Variants in SLC7A5 observed in about 807,000 individuals in gnomAD.
SLC7A5 encodes the protein large neutral amino acids transporter small subunit 1.
A neutral mutation model predicts 50.2 loss-of-function variants in SLC7A5; 23 were observed. The observed-to-expected ratio is 0.46, with a 90% CI of 0.33 to 0.65. The LOEUF (loss-of-function observed/expected upper bound fraction) is 0.65. Ranked by LOEUF, SLC7A5 falls within the 30% of genes least tolerant of loss-of-function variation. The probability of loss-of-function intolerance (pLI) is 0.02; values close to 1 mark genes in which losing one functional copy is unlikely to be tolerated. For synonymous variants in SLC7A5, 393 were observed against 330.6 expected, an observed-to-expected ratio of 1.19 and a Z score of -2.05; for missense variants, 578 against 684.4, an observed-to-expected ratio of 0.84 and a Z score of 1.73.
chr16:87,863,375 C>T (rs1397353120), intron 1 of SLC7A5, among the ~76,000 whole-genome samples: 1 of 152,138 alleles, frequency 6.6e-6, no homozygotes, highest in Non-Finnish European at 1.5e-5. Context: ...CCAGCTGGGG[C>T]CCAGGGAGGT....
At chr16:87,836,734 T>A in intron 7 of SLC7A5, 87 bp from the exon 8 acceptor site, 1 of 1,439,110 alleles carries the variant, frequency 6.9e-7, no homozygotes, top group Non-Finnish European at 9.7e-7. Flanking sequence ...CTGTCCAGCC[T>A]GGCTGGGCCC....
Position 87,833,015 on chromosome 16 carries a change from G to A in SLC7A5, c.1479C>T (p.Thr493=), listed in dbSNP as rs761719928. 5.6e-6 allele frequency: 9 copies of A among 1,613,760 alleles called. No individual in the cohort carries two copies. Among genetic ancestry groups the A allele is most frequent in the South Asian group, 4.4e-5 (4 of 91,072 alleles). ...CCTGCATGAGCTTCTGACACAGGAC[G>A]GTCGTGGAGACTGTCAGGAGAGAAG... ...KWLLQGIFST[T]VLCQKLMQVV... Residue 493 remains threonine, a synonymous_variant, in exon 10 of 10, where the codon ACC becomes ACT. Coordinates refer to ENST00000261622, the MANE Select transcript of SLC7A5 (RefSeq NM_003486.7). This position sits in a 1 kb window ranked among gnomAD's most constrained non-coding sequence, Gnocchi z 6.0.
At chr16:87,868,130 A>T (rs369279771) in intron 1 of SLC7A5, among the ~76,000 whole-genome samples, 1 of 148,998 alleles carries the variant, frequency 6.7e-6, no homozygotes, top group African/African-American at 2.5e-5. Flanking sequence ...AAAAAAAAAA[A>T]AAAGAAAGAA....
chr16:87,843,674 C>T (rs866492597), intron 2 of SLC7A5, among the ~76,000 whole-genome samples: 3 of 152,272 alleles, frequency 2.0e-5, no homozygotes, highest in Middle Eastern at 6.8e-3. Context: ...ATTCTGCACA[C>T]CGGGAGACCT....
rs150853801 is a variant in SLC7A5 at position 87,853,385 on chromosome 16, T to C, written c.539-1536A>G. 6.6e-6 allele frequency among the ~76,000 whole-genome samples: 1 copy of C among 152,304 alleles called. No individual in the cohort carries two copies. Among genetic ancestry groups the C allele is most frequent in the African/African-American group, 2.4e-5 (1 of 41,568 alleles). On this transcript the variant is annotated intron_variant, in intron 1 of 9. Transcript: ENST00000261622. The surrounding 1 kb of genome is among the most constrained non-coding windows in gnomAD (Gnocchi z 4.4). ...GCTACTACACACCAGGAAAGTCTGG[T>C]TGAAAAATGTCTGAAAGTCAGTGTT... is the stretch of plus-strand genomic sequence containing the variant.
intron 1 of SLC7A5, among the ~76,000 whole-genome samples, chr16:87,863,986 A>AAAAAAAATATATATATATATAT (rs376938738): frequency 1.2e-5 from 1 of 83,280 alleles, no homozygotes; most frequent in African/African-American, 3.9e-5. Flanking sequence ...ATCATTTAAA[A>AAAAAAAATATATATATATATAT]ATATATATAT....
chr16:87,840,408 T>TC, intron 4 of SLC7A5, 21 bp downstream of exon 4: 1 of 1,598,158 alleles, frequency 6.3e-7, no homozygotes, highest in South Asian at 1.1e-5. Flanking sequence ...AAAAGACGGC[T>TC]CCATCCATTC....
Position 87,837,854 on chromosome 16 carries a change from G to T in SLC7A5, c.1131C>A (p.Leu377=). The change falls in exon 7 of 10, where the codon CTC becomes CTA. Residue 377 remains leucine, a synonymous_variant. Transcript: ENST00000261622. ...CGTGCAGCAGGCTTACCGTGAACAC[G>T]AGGGACGGCACGGGGGTGAGGAGCT... ...HPQLLTPVPS[L]VFTCVMTLLY... The T allele has an allele frequency of 6.2e-7, 1 of 1,604,864 alleles. No individual in the cohort carries two copies.
rs1287859591 is a variant in SLC7A5 at position 87,869,479 on chromosome 16, T to C, written c.-57A>G. On this transcript the variant is annotated 5_prime_UTR_variant, in exon 1 of 10. Coordinates refer to ENST00000261622, the MANE Select transcript of SLC7A5 (RefSeq NM_003486.7). ...GGGAGCCGCGGCCCAGCGAGCAGTG[T>C]GCGCGCCGCCCGCCGCCCGCAGCTG... The C allele has an allele frequency of 6.8e-6, 8 of 1,172,372 alleles. No homozygotes were observed. In the Admixed American group the frequency reaches 1.8e-4, roughly 27 times the overall value. The allele number at this position is 1,172,372 out of a possible 1,614,324, so 72.6% of individuals were successfully genotyped here.
intron 1 of SLC7A5, among the ~76,000 whole-genome samples, chr16:87,866,928 C>T (rs917996930): frequency 2.6e-5 from 4 of 152,120 alleles, no homozygotes; most frequent in Admixed American, 6.5e-5. Context: ...AGACTCAGCA[C>T]CCAGGGGCTG....
chr16:87,847,251 C>T (rs540982891), intron 2 of SLC7A5, among the ~76,000 whole-genome samples: 6 of 152,346 alleles, frequency 3.9e-5, no homozygotes, highest in African/African-American at 1.4e-4. Flanking sequence ...GTGGGTGAAA[C>T]GTTTTTCTCA....
rs149839858 is a variant in SLC7A5 at position 87,847,157 on chromosome 16, G to A, written c.664+4567C>T. ...CAGGTGAAGCCAGGCCCAGAAGAAG[G>A]AACAGCTCTAAGCCACAGCCCAGGG... On this transcript the variant is annotated intron_variant, in intron 2 of 9. Transcript: ENST00000261622. 2.2e-3 allele frequency among the ~76,000 whole-genome samples: 342 copies of A among 152,330 alleles called. 1 individual carries two copies. The highest frequency in any genetic ancestry group is 3.6e-3 in the Non-Finnish European group (248 of 68,030).
intron 1 of SLC7A5, among the ~76,000 whole-genome samples, chr16:87,858,717 C>G (rs185445665): frequency 8.7e-4 from 133 of 152,268 alleles, no homozygotes; most frequent in Middle Eastern, 3.4e-3. Flanking sequence ...AGAGAAGCAC[C>G]AAGTCCACTT....
At chr16:87,856,883 A>G (rs1181866065) in intron 1 of SLC7A5, among the ~76,000 whole-genome samples, 1 of 152,222 alleles carries the variant, frequency 6.6e-6, no homozygotes, top group African/African-American at 2.4e-5. Context: ...GCTTCTGATC[A>G]GGCAGGTCCG....
chr16:87,843,181 C>T (rs1179933299), intron 2 of SLC7A5, among the ~76,000 whole-genome samples: 1 of 151,948 alleles, frequency 6.6e-6, no homozygotes, highest in Non-Finnish European at 1.5e-5. Flanking sequence ...CCAAGGTCCC[C>T]GCCAGACACA....
rs575989982 is a variant in SLC7A5 at position 87,862,075 on chromosome 16, C to T, written c.538+6810G>A. ...GTGGAGGGGTGCAGGGATCCCAAAACCCAACCCGGGGCCAGGTTTTACACA... is the reference window on the plus strand; with the variant it reads ...GTGGAGGGGTGCAGGGATCCCAAAATCCAACCCGGGGCCAGGTTTTACACA... On this transcript the variant is annotated intron_variant, in intron 1 of 9. Coordinates refer to ENST00000261622, the MANE Select transcript of SLC7A5 (RefSeq NM_003486.7). This position sits in a 1 kb window ranked among gnomAD's most constrained non-coding sequence, Gnocchi z 5.3. 8.8e-4 allele frequency among the ~76,000 whole-genome samples: 134 copies of T among 152,290 alleles called. 1 individual carries two copies. Among genetic ancestry groups the T allele is most frequent in the African/African-American group, 3.0e-3 (125 of 41,560 alleles).
chr16:87,851,175 C>A (rs2055217999), intron 2 of SLC7A5, among the ~76,000 whole-genome samples: 1 of 152,194 alleles, frequency 6.6e-6, no homozygotes, highest in Admixed American at 6.5e-5. Context: ...ATGGGGTTAC[C>A]ACGTTTGTTT....
intron 2 of SLC7A5, among the ~76,000 whole-genome samples, chr16:87,847,164 T>G (rs1426740365): frequency 6.6e-6 from 1 of 152,060 alleles, no homozygotes; most frequent in Non-Finnish European, 1.5e-5. Context: ...AAGGAACAGC[T>G]CTAAGCCACA....
At chr16:87,863,675 T>G (rs1206521573) in intron 1 of SLC7A5, 1 of 152,038 alleles carries the variant, frequency 6.6e-6, no homozygotes, top group African/African-American at 2.4e-5. Flanking sequence ...CAAGGGATTT[T>G]TTTCACTCAC....
Sources: gnomAD v4.1 joint callset for allele counts (sites outside exome capture counted in the v4.1 genomes callset) on GRCh38, gnomAD v4.1.1 for gene constraint, Gnocchi (gnomAD v3.1) non-coding constraint, MANE v1.5 for transcripts, NCBI Gene and HGNC (gene_info 2026-07-23, HGNC 2026-07-21) for gene names.